Variants in AIM2 observed in about 807,000 individuals in gnomAD.
The protein encoded by AIM2 is absent in melanoma 2, also known as interferon-inducible protein AIM2.
In AIM2, 30 loss-of-function variants were observed where a neutral mutation model predicts 27.7. The observed-to-expected ratio is 1.08, with a 90% CI of 0.81 to 1.47. AIM2 has a LOEUF of 1.47. Among genes scored for constraint, AIM2 ranks in the 40% most tolerant of loss-of-function variants. The probability of loss-of-function intolerance (pLI) is 0.00; values close to 1 mark genes in which losing one functional copy is unlikely to be tolerated. For synonymous variants in AIM2, 141 were observed against 145.3 expected, an observed-to-expected ratio of 0.97 and a Z score of 0.21; for missense variants, 358 against 411.3, an observed-to-expected ratio of 0.87 and a Z score of 1.12.
chr1:159,128,854 T>G (rs1397709193), intron 1 of AIM2, among the ~76,000 whole-genome samples: 1 of 152,224 alleles, frequency 6.6e-6, no homozygotes, highest in Non-Finnish European at 1.5e-5. Context: ...TCCCCTTATA[T>G]GTTTGATCCC....
At chr1:159,123,141 A>G (rs1215768701) in intron 1 of AIM2, among the ~76,000 whole-genome samples, 1 of 152,230 alleles carries the variant, frequency 6.6e-6, no homozygotes, top group East Asian at 1.9e-4. Flanking sequence ...TAAGACTAAT[A>G]AAATCTCTGT....
At position 159,066,187 on chromosome 1, in the gene AIM2, G is replaced by C. The variant is rs1264092730; in HGVS notation, c.539C>G (p.Thr180Arg). Reference protein sequence around the residue: ...QEGKQEMFHATVATEKEFFFV... With the variant: ...QEGKQEMFHARVATEKEFFFV... ...GAAGAATTCCTTTTCTGTAGCCACT[G>C]TAGCATGAAACATCTCCTGCTTGCC... The change falls in exon 4 of 6, where the codon ACA becomes AGA. Residue 180 changes from threonine (T) to arginine (R), a missense_variant. Thr to Arg is a moderately conservative substitution (Grantham distance 71). Transcript: ENST00000368130. The C allele has an allele frequency of 6.2e-7, 1 of 1,614,190 alleles. No individual in the cohort carries two copies. The highest frequency in any genetic ancestry group is 8.5e-7 in the Non-Finnish European group (1 of 1,180,036).
intron 1 of AIM2, among the ~76,000 whole-genome samples, chr1:159,084,543 G>A (rs550819260): frequency 3.9e-5 from 6 of 152,166 alleles, no homozygotes; most frequent in East Asian, 3.9e-4. Flanking sequence ...AGGCCAAGGC[G>A]GGGGAATCGC....
At chr1:159,080,805 C>G (rs572474854), upstream of AIM2, among the ~76,000 whole-genome samples, 120 of 152,224 alleles carry the variant, frequency 7.9e-4, no homozygotes, top group Non-Finnish European at 1.4e-3. Context: ...TTCTGATATG[C>G]CTTCAACAAA....
intron 1 of AIM2, among the ~76,000 whole-genome samples, chr1:159,132,619 T>TC (rs1431282294): frequency 6.6e-6 from 1 of 152,162 alleles, no homozygotes; most frequent in East Asian, 1.9e-4. Flanking sequence ...ACCCTTGCCC[T>TC]CTGTACAACA....
At chr1:159,147,094 A>G (rs1039006311) in exon 1 of AIM2, 2 of 152,020 alleles carry the variant, frequency 1.3e-5, no homozygotes, top group Non-Finnish European at 2.9e-5. Flanking sequence ...ACACACCTAT[A>G]TTTGTTTTAC....
At chr1:159,129,039 A>G (rs1026352517) in intron 1 of AIM2, among the ~76,000 whole-genome samples, 29 of 152,226 alleles carry the variant, frequency 1.9e-4, no homozygotes, top group Non-Finnish European at 3.1e-4. Flanking sequence ...CCTCATTTGT[A>G]AAAAGCATCT....
At chr1:159,137,705 G>A (rs897146583) in intron 1 of AIM2, among the ~76,000 whole-genome samples, 2 of 152,134 alleles carry the variant, frequency 1.3e-5, no homozygotes, top group African/African-American at 4.8e-5. Flanking sequence ...TGAGCTTAGA[G>A]TCTAACTTGT....
At chr1:159,129,179 G>C (rs566447028) in intron 1 of AIM2, among the ~76,000 whole-genome samples, 44 of 152,276 alleles carry the variant, frequency 2.9e-4, no homozygotes, top group Admixed American at 2.6e-4. Flanking sequence ...AGATGGCCAG[G>C]TAAAGACAGA....
At chr1:159,091,035 G>A (rs1027573255) in intron 1 of AIM2, among the ~76,000 whole-genome samples, 6 of 152,078 alleles carry the variant, frequency 3.9e-5, no homozygotes, top group Non-Finnish European at 8.8e-5. Flanking sequence ...GGAAACATCA[G>A]AATGAAGGGG....
intron 1 of AIM2, among the ~76,000 whole-genome samples, chr1:159,094,245 A>T (rs528974947): frequency 6.6e-6 from 1 of 152,328 alleles, no homozygotes; most frequent in East Asian, 1.9e-4. Context: ...AGTTTTTCCC[A>T]TTTAAAAGTA....
At chr1:159,099,456 A>T (rs1200569528) in intron 1 of AIM2, among the ~76,000 whole-genome samples, 1 of 152,108 alleles carries the variant, frequency 6.6e-6, no homozygotes, top group African/African-American at 2.4e-5. Flanking sequence ...TTAAGGCACG[A>T]CTCAGGATTC....
chr1:159,072,840 A>G (rs564212332), intron 2 of AIM2, among the ~76,000 whole-genome samples: 13 of 152,346 alleles, frequency 8.5e-5, no homozygotes, highest in South Asian at 2.1e-4. Context: ...CAGTTTTCCA[A>G]TGCAATAATT....
chr1:159,064,832 CT>C (rs1656009590), intron 4 of AIM2, among the ~76,000 whole-genome samples: 1 of 152,098 alleles, frequency 6.6e-6, no homozygotes, highest in African/African-American at 2.4e-5. Context: ...AGCCAAGAGT[CT>C]AGTAAGTAAT....
At position 159,083,158 on chromosome 1, in the gene AIM2, T is replaced by C. The variant is rs80228903; in HGVS notation, c.-15-16829A>G. ...CTACATGGCTTAACTATTAGTTTTA[T>C]TTAGATAGTTATGGTAATGTAAAAC... is the stretch of plus-strand genomic sequence containing the variant. On this transcript the variant is annotated intron_variant, in intron 1 of 2. Transcript: ENST00000368129. Among the ~76,000 whole-genome samples, 1,482 of 152,326 alleles carry C rather than the reference T, an allele frequency of 9.7e-3. 8 individuals carry two copies. The highest frequency in any genetic ancestry group is 0.015 in the Non-Finnish European group (1,005 of 68,032).
intron 5 of AIM2, 99 bp downstream of exon 5, chr1:159,063,387 C>T (rs374317358): frequency 1.9e-5 from 22 of 1,137,814 alleles, no homozygotes; most frequent in South Asian, 1.5e-4. Flanking sequence ...CAATGTCTTC[C>T]ACTCTATATC....
chr1:159,128,184 GATA>G (rs1242323493), intron 1 of AIM2, among the ~76,000 whole-genome samples: 2 of 151,834 alleles, frequency 1.3e-5, no homozygotes, highest in African/African-American at 4.8e-5. Flanking sequence ...ATAGGAGTGT[GATA>G]ATAAAAAATG....
At chr1:159,090,958 T>C (rs1657029382) in intron 1 of AIM2, among the ~76,000 whole-genome samples, 1 of 152,186 alleles carries the variant, frequency 6.6e-6, no homozygotes, top group Admixed American at 6.5e-5. Flanking sequence ...CATCACTCCC[T>C]CCTGGTATTC....
intron 1 of AIM2, among the ~76,000 whole-genome samples, chr1:159,131,918 T>C (rs906143337): frequency 6.6e-6 from 1 of 152,196 alleles, no homozygotes; most frequent in Non-Finnish European, 1.5e-5. Flanking sequence ...AGACGTGGTA[T>C]TTCACCAAAA....
Sources: gnomAD v4.1 joint callset for allele counts (sites outside exome capture counted in the v4.1 genomes callset) on GRCh38, gnomAD v4.1.1 for gene constraint, MANE v1.5 for transcripts, NCBI Gene and HGNC (gene_info 2026-07-23, HGNC 2026-07-21) for gene names.